PKD2L2: variants seen among roughly 807,000 people sequenced by gnomAD.
PKD2L2 encodes polycystin 2 like 2, transient receptor potential cation channel, also known as polycystin-2-like protein 2.
Under a neutral mutation model 83.9 loss-of-function variants are expected in PKD2L2, and 67 were observed. The observed-to-expected ratio is 0.80, with a 90% CI of 0.66 to 0.98. PKD2L2 has a LOEUF of 0.98. Ranked by LOEUF, PKD2L2 falls within the 50% of genes least tolerant of loss-of-function variation. The probability of loss-of-function intolerance (pLI) is 0.00; values close to 1 mark genes in which losing one functional copy is unlikely to be tolerated. For synonymous variants in PKD2L2, 223 were observed against 237.8 expected, an observed-to-expected ratio of 0.94 and a Z score of 0.57; for missense variants, 632 against 717.2, an observed-to-expected ratio of 0.88 and a Z score of 1.36.
At chr5:137,900,656 C>G (rs1207092238) in intron 5 of PKD2L2, among the ~76,000 whole-genome samples, 1 of 152,110 alleles carries the variant, frequency 6.6e-6, no homozygotes, top group African/African-American at 2.4e-5. Context: ...TGCAAAATAC[C>G]TTTTTATCTC....
At position 137,942,648 on chromosome 5, in the gene PKD2L2, C is replaced by A. The variant is rs1000720070; in HGVS notation, c.*282C>A. 3 of 474,612 alleles carry A rather than the reference C, an allele frequency of 6.3e-6. No individual in the cohort carries two copies. Among genetic ancestry groups the A allele is most frequent in the Non-Finnish European group, 1.1e-5 (3 of 274,942 alleles). The allele number at this position is 474,612 out of a possible 1,614,324, so 29.4% of individuals were successfully genotyped here. On this transcript the variant is annotated 3_prime_UTR_variant, in exon 15 of 15. Coordinates refer to ENST00000508883, the MANE Select transcript of PKD2L2 (RefSeq NM_001300921.2). ...AAACTGCTGGGATTATAGGCATGAG[C>A]CACTGTGCCTGGCTAGATTTTTTTT...
chr5:137,924,936 C>G, intron 10 of PKD2L2, 104 bp from the exon 11 acceptor site: 1 of 713,114 alleles, frequency 1.4e-6, no homozygotes, highest in Non-Finnish European at 2.5e-6. Context: ...TTTAGGGTAG[C>G]AATCCAGAGG....
At chr5:137,904,849 T>G (rs940874541) in intron 5 of PKD2L2, among the ~76,000 whole-genome samples, 11 of 152,194 alleles carry the variant, frequency 7.2e-5, no homozygotes, top group Middle Eastern at 3.2e-3. Flanking sequence ...GAATTGGAGT[T>G]TAGGGGATTT....
At chr5:137,940,807 C>T (rs996976965) in intron 14 of PKD2L2, among the ~76,000 whole-genome samples, 15 of 152,180 alleles carry the variant, frequency 9.9e-5, no homozygotes, top group African/African-American at 2.9e-4. Flanking sequence ...TCAGTTTAAT[C>T]GCTAGCTAAA....
intron 14 of PKD2L2, chr5:137,939,911 C>G: frequency 7.6e-7 from 1 of 1,324,380 alleles, no homozygotes; most frequent in Non-Finnish European, 9.6e-7. Context: ...TTCCAAAGTT[C>G]TTGAAGTTGA....
rs532991252 is a variant in PKD2L2, at chr5:137,906,937, C to T, written c.975+503C>T. Among the ~76,000 whole-genome samples, 6 of 152,240 alleles carry T rather than the reference C, an allele frequency of 3.9e-5. No individual in the cohort carries two copies. The South Asian group carries it at 1.2e-3, about 32-fold the overall frequency. ...AGGGCACCAGGTTTGGGGAAATAGT[C>T]CCTGAAAGAAACACCAAAGACCATC... On this transcript the variant is annotated intron_variant, in intron 6 of 14. Coordinates refer to ENST00000508883, the MANE Select transcript of PKD2L2 (RefSeq NM_001300921.2).
chr5:137,937,212 G>C (rs1192581665), intron 14 of PKD2L2, among the ~76,000 whole-genome samples: 1 of 152,170 alleles, frequency 6.6e-6, no homozygotes. Context: ...CCATTCTTTA[G>C]AATTTGAAGC....
Position 137,929,534 on chromosome 5 carries a change from CAAAAAAAAAA to C in PKD2L2, c.1671+3621_1671+3630del, listed in dbSNP as rs756601170. Reference sequence around the variant, plus strand: ...ATATATTTCTATAGGACAAAATTGCCAAAAAAAAAAAAAAAAAAAAAAAAACAGACCACAC... The same window carrying C: ...ATATATTTCTATAGGACAAAATTGCCAAAAAAAAAAAAAAACAGACCACAC... On this transcript the variant is annotated intron_variant, in intron 12 of 14. Transcript: ENST00000508883. Among the ~76,000 whole-genome samples, 11 of 3,440 alleles carry C rather than the reference CAAAAAAAAAA, an allele frequency of 3.2e-3. 1 individual carries two copies. In the East Asian group the frequency reaches 0.038, roughly 12 times the overall value. 2.3% of individuals were successfully genotyped at this position (3,440 alleles called of 152,430 possible). A position where few individuals can be genotyped will look rare whatever the true frequency, so the allele number is the denominator to read the frequency against.
chr5:137,913,519 C>A (rs1758045730), intron 8 of PKD2L2, among the ~76,000 whole-genome samples: 2 of 145,966 alleles, frequency 1.4e-5, no homozygotes, highest in Non-Finnish European at 3.0e-5. Context: ...GATGGAGTCT[C>A]ACTCTGTCAC....
At chr5:137,921,293 A>T (rs1758870853) in intron 8 of PKD2L2, among the ~76,000 whole-genome samples, 1 of 151,296 alleles carries the variant, frequency 6.6e-6, no homozygotes, top group Non-Finnish European at 1.5e-5. Flanking sequence ...CCTGGAAGAC[A>T]GAGGTTGCAG....
intron 10 of PKD2L2, 93 bp from the exon 11 acceptor site, chr5:137,924,947 G>C: frequency 1.3e-6 from 1 of 777,348 alleles, no homozygotes; most frequent in Non-Finnish European, 2.2e-6. Context: ...AATCCAGAGG[G>C]ACAAGCATTC....
At chr5:137,926,383 C>T (rs888646671) in intron 12 of PKD2L2, among the ~76,000 whole-genome samples, 5 of 150,430 alleles carry the variant, frequency 3.3e-5, no homozygotes, top group Admixed American at 6.6e-5. Context: ...AAAAGTGAAC[C>T]ATTGCTCTAC....
At chr5:137,908,991 A>G in intron 8 of PKD2L2, 45 bp downstream of exon 8, 1 of 1,251,476 alleles carries the variant, frequency 8.0e-7, no homozygotes, top group Non-Finnish European at 1.1e-6. Context: ...ATATTTTCTT[A>G]CAAAAAAAAT....
At chr5:137,921,302 A>T (rs1758873148) in intron 8 of PKD2L2, among the ~76,000 whole-genome samples, 1 of 151,168 alleles carries the variant, frequency 6.6e-6, no homozygotes. Flanking sequence ...CAGAGGTTGC[A>T]GTGAGCCGAG....
chr5:137,918,191 T>C (rs1758555965), intron 8 of PKD2L2, among the ~76,000 whole-genome samples: 2 of 152,264 alleles, frequency 1.3e-5, no homozygotes, highest in South Asian at 4.1e-4. Flanking sequence ...TCTGGCTCCA[T>C]GCCAAGGATC....
In PKD2L2 at chr5:137,899,585, G is replaced by C. The variant is rs1350598424; in HGVS notation, c.594G>C (p.Gly198=). 2.5e-6 allele frequency: 4 copies of C among 1,613,738 alleles called. No homozygotes were observed. The South Asian group carries it at 4.4e-5, about 18-fold the overall frequency. Reference sequence around the variant, plus strand: ...GATTTCTTGGTGTTTACCGAAATGGGGGATACATTTTCACTTTATCAAAAT... The same window carrying C: ...GATTTCTTGGTGTTTACCGAAATGGCGGATACATTTTCACTTTATCAAAAT... The part of the protein sequence containing the change: ...HWGFLGVYRN[G]GYIFTLSKSK... Residue 198 remains glycine (G), a synonymous_variant, in exon 5 of 15, where the codon GGG becomes GGC. Coordinates refer to ENST00000508883, the MANE Select transcript of PKD2L2 (RefSeq NM_001300921.2).
intron 8 of PKD2L2, among the ~76,000 whole-genome samples, chr5:137,912,647 G>T (rs922000900): frequency 1.4e-4 from 22 of 151,970 alleles, no homozygotes; most frequent in Non-Finnish European, 3.1e-4. Flanking sequence ...GATTACAGGT[G>T]TGAGCCACCG....
chr5:137,894,662 T>G (rs1230657047), intron 4 of PKD2L2, 53 bp downstream of exon 4: 7 of 1,395,362 alleles, frequency 5.0e-6, no homozygotes, highest in Non-Finnish European at 7.0e-6. Context: ...CTGTTGTATC[T>G]TTTAGATATG....
At chr5:137,913,225 C>T (rs1758013005) in intron 8 of PKD2L2, among the ~76,000 whole-genome samples, 1 of 149,236 alleles carries the variant, frequency 6.7e-6, no homozygotes, top group Non-Finnish European at 1.5e-5. Context: ...ACTCTGTTGC[C>T]CAAGGTGGAG....
Sources: allele counts gnomAD v4.1 joint callset (sites outside exome capture counted in the v4.1 genomes callset), GRCh38; gene constraint gnomAD v4.1.1; transcripts MANE v1.5; gene names NCBI Gene and HGNC (gene_info 2026-07-23, HGNC 2026-07-21).